PAWR: variants seen among roughly 807,000 people sequenced by gnomAD.
PAWR encodes the protein pro-apoptotic WT1 regulator.
PAWR carries 23 observed loss-of-function variants against 32.0 expected under a neutral mutation model. The observed-to-expected ratio is 0.72, with a 90% CI of 0.52 to 1.02. The LOEUF is 1.02. Ranked by LOEUF, PAWR falls within the 50% of genes least tolerant of loss-of-function variation. The pLI, the probability that PAWR is intolerant of heterozygous loss-of-function variation, is 0.00. For synonymous variants in PAWR, 226 were observed against 187.1 expected (o/e 1.21, Z -1.70); for missense variants, 457 against 437.7 (o/e 1.04, Z -0.39).
rs1226815362 is a variant in PAWR, at chr12:79,630,927, A to C, written c.517-9720T>G. On this transcript the variant is annotated intron_variant, in intron 2 of 6. Transcript: ENST00000328827. ...ATGTAATCTGGTAAAGACAGACAAAAAGGCCTTTGCAAAATTTTAGCATAA... is the reference window on the plus strand; with the variant it reads ...ATGTAATCTGGTAAAGACAGACAAACAGGCCTTTGCAAAATTTTAGCATAA... Among the ~76,000 whole-genome samples, 5 of 152,246 alleles carry C rather than the reference A, an allele frequency of 3.3e-5. No individual in the cohort carries two copies. In the East Asian group the frequency reaches 9.6e-4, roughly 29 times the overall value.
chr12:79,638,135 T>C (rs1037387879), intron 2 of PAWR, among the ~76,000 whole-genome samples: 2 of 149,774 alleles, frequency 1.3e-5, no homozygotes, highest in Non-Finnish European at 2.9e-5. Flanking sequence ...AGCTTTTGGG[T>C]TTCAAAAAAA....
chr12:79,686,795 A>G (rs916284929), intron 2 of PAWR, among the ~76,000 whole-genome samples: 1 of 152,148 alleles, frequency 6.6e-6, no homozygotes, highest in Non-Finnish European at 1.5e-5. Flanking sequence ...CCCCCTTTTA[A>G]ACACACACTA....
chr12:79,604,712 A>C (rs1239136693), intron 4 of PAWR: 23 of 1,286,240 alleles, frequency 1.8e-5, no homozygotes, highest in Non-Finnish European at 2.3e-5. Context: ...TGTAGGGTTT[A>C]TCTCTCTTCC....
intron 4 of PAWR, among the ~76,000 whole-genome samples, chr12:79,607,394 T>C (rs1387392379): frequency 1.3e-5 from 2 of 152,100 alleles, no homozygotes; most frequent in Non-Finnish European, 2.9e-5. Flanking sequence ...GAGAGATATA[T>C]TTGGTCGTCT....
At chr12:79,672,596 T>C (rs977065457) in intron 2 of PAWR, among the ~76,000 whole-genome samples, 9 of 152,114 alleles carry the variant, frequency 5.9e-5, no homozygotes, top group Admixed American at 5.9e-4. Context: ...CTTTGCAGCC[T>C]CTACTCTCTA....
intron 2 of PAWR, among the ~76,000 whole-genome samples, chr12:79,681,992 T>C (rs1047198000): frequency 2.6e-5 from 4 of 152,238 alleles, no homozygotes; most frequent in South Asian, 2.1e-4. Flanking sequence ...TTATGTAACC[T>C]GCAAATTCTA....
chr12:79,644,924 T>A (rs1380847871), intron 2 of PAWR, among the ~76,000 whole-genome samples: 2 of 152,044 alleles, frequency 1.3e-5, no homozygotes, highest in Non-Finnish European at 2.9e-5. Flanking sequence ...GAACCCTAAC[T>A]CAACAGTCCA....
chr12:79,629,485 A>C (rs2136738679), intron 2 of PAWR, among the ~76,000 whole-genome samples: 1 of 152,240 alleles, frequency 6.6e-6, no homozygotes, highest in African/African-American at 2.4e-5. Flanking sequence ...GATCAAATGA[A>C]ACAAAAAGAA....
Position 79,587,127 on chromosome 12 carries a change from AG to A in PAWR, c.*5479del, listed in dbSNP as rs1873407121. 6.6e-6 allele frequency: 1 copy of A among 152,146 alleles called. No individual in the cohort carries two copies. Among genetic ancestry groups the A allele is most frequent in the Non-Finnish European group, 1.5e-5 (1 of 67,978 alleles). The allele number at this position is 152,146 out of a possible 1,614,324, so 9.4% of individuals were successfully genotyped here. A position where few individuals can be genotyped will look rare whatever the true frequency, so the allele number is the denominator to read the frequency against. On this transcript the variant is annotated 3_prime_UTR_variant, in exon 7 of 7. Coordinates refer to ENST00000328827, the MANE Select transcript of PAWR (RefSeq NM_002583.4). ...TGAGTTTGATGAAGTCTAAGATGAAAGGTTCCATTTCATGTAAGATTATGTG... is the reference window on the plus strand; with the variant it reads ...TGAGTTTGATGAAGTCTAAGATGAAAGTTCCATTTCATGTAAGATTATGTG...
chr12:79,635,743 G>A (rs1875932232), intron 2 of PAWR: 1 of 152,040 alleles, frequency 6.6e-6, no homozygotes, highest in Non-Finnish European at 1.5e-5. Flanking sequence ...AATTTTATCT[G>A]TCCAAAAAAA....
At chr12:79,596,260 A>G (rs1592489193) in intron 5 of PAWR, among the ~76,000 whole-genome samples, 1 of 152,334 alleles carries the variant, frequency 6.6e-6, no homozygotes, top group East Asian at 1.9e-4. Flanking sequence ...TTACTCCTGT[A>G]ATTTGTAAAG....
At chr12:79,623,074 T>C (rs969696185) in intron 2 of PAWR, among the ~76,000 whole-genome samples, 5 of 152,112 alleles carry the variant, frequency 3.3e-5, no homozygotes, top group Non-Finnish European at 2.9e-5. Flanking sequence ...GAAATAGCAA[T>C]GCAGAGAACA....
Position 79,590,465 on chromosome 12 carries a change from T to A in PAWR, c.*2142A>T, listed in dbSNP as rs1873519982. ...ATCCACCCGCCTTGGCCTCCCAAAG[T>A]GCTGGGATTACAGGCATGAGCCACT... On this transcript the variant is annotated 3_prime_UTR_variant, in exon 7 of 7. Coordinates refer to ENST00000328827, the MANE Select transcript of PAWR (RefSeq NM_002583.4). 1 of 152,236 alleles carries A rather than the reference T, an allele frequency of 6.6e-6. No individual in the cohort carries two copies. Among genetic ancestry groups the A allele is most frequent in the Non-Finnish European group, 1.5e-5 (1 of 68,072 alleles). The allele number at this position is 152,236 out of a possible 1,614,324, so 9.4% of individuals were successfully genotyped here.
At chr12:79,672,068 GCTCTAC>G (rs1419244489) in intron 2 of PAWR, among the ~76,000 whole-genome samples, 1 of 152,084 alleles carries the variant, frequency 6.6e-6, no homozygotes, top group Non-Finnish European at 1.5e-5. Flanking sequence ...AGTGCTGTCA[GCTCTAC>G]CTCTAAAACA....
chr12:79,688,772 A>G (rs1380249076), intron 2 of PAWR, among the ~76,000 whole-genome samples: 1 of 152,234 alleles, frequency 6.6e-6, no homozygotes, highest in East Asian at 1.9e-4. Flanking sequence ...CCAGGAGAAG[A>G]AAAAGTGAAA....
At chr12:79,599,030 C>T (rs1051182278) in intron 4 of PAWR, among the ~76,000 whole-genome samples, 1 of 152,186 alleles carries the variant, frequency 6.6e-6, no homozygotes, top group Non-Finnish European at 1.5e-5. Flanking sequence ...CCACTGCGCC[C>T]GGCCAACTGA....
At position 79,625,848 on chromosome 12, in the gene PAWR, C is replaced by T. The variant is rs113778738; in HGVS notation, c.517-4641G>A. Among the ~76,000 whole-genome samples the T allele has an allele frequency of 9.1e-3, 1,331 of 147,060 alleles. 24 individuals are homozygous for T. The highest frequency in any genetic ancestry group is 0.032 in the African/African-American group (1,260 of 39,934). Reference sequence around the variant, plus strand: ...AAAAACAAAACAAAAAAGTAACAGACGGGTGGAAGCAGATTATACACAAAA... The same window carrying T: ...AAAAACAAAACAAAAAAGTAACAGATGGGTGGAAGCAGATTATACACAAAA... On this transcript the variant is annotated intron_variant, in intron 2 of 6. Coordinates refer to ENST00000328827, the MANE Select transcript of PAWR (RefSeq NM_002583.4).
At chr12:79,671,639 G>C (rs1227202021) in intron 2 of PAWR, among the ~76,000 whole-genome samples, 3 of 151,556 alleles carry the variant, frequency 2.0e-5, no homozygotes, top group African/African-American at 7.3e-5. Flanking sequence ...CTCGATACGA[G>C]GGATATAAAG....
chr12:79,626,515 T>C (rs2136730809), intron 2 of PAWR, among the ~76,000 whole-genome samples: 1 of 151,304 alleles, frequency 6.6e-6, no homozygotes. Flanking sequence ...CCCCACGGCC[T>C]CCCAAAGTGC....
Sources: allele counts gnomAD v4.1 joint callset (sites outside exome capture counted in the v4.1 genomes callset), GRCh38; gene constraint gnomAD v4.1.1; transcripts MANE v1.5; gene names NCBI Gene and HGNC (gene_info 2026-07-23, HGNC 2026-07-21).